NRXN3: variants seen among roughly 807,000 people sequenced by gnomAD.
NRXN3 encodes the protein neurexin III.
NRXN3 carries 32 observed loss-of-function variants against 137.6 expected under a neutral mutation model. The observed-to-expected ratio is 0.23, with a 90% confidence interval of 0.18 to 0.31. The LOEUF (loss-of-function observed/expected upper bound fraction) is 0.31, where lower values mean the gene tolerates loss of function less well. Ranked by LOEUF, NRXN3 falls within the 10% of genes least tolerant of loss-of-function variation. NRXN3 has a pLI of 1.00. For synonymous variants in NRXN3, 798 were observed against 784.5 expected (o/e 1.02, Z -0.29); for missense variants, 1,574 against 2,062.5 (o/e 0.76, Z 4.59).
At chr14:78,582,518 C>A (rs2097012380) in intron 4 of NRXN3, among the ~76,000 whole-genome samples, 1 of 152,108 alleles carries the variant, frequency 6.6e-6, no homozygotes. Flanking sequence ...GCCACAAGAG[C>A]TCCATTTTCA....
intron 15 of NRXN3, among the ~76,000 whole-genome samples, chr14:79,236,763 T>A (rs541927077): frequency 1.6e-4 from 25 of 151,666 alleles, no homozygotes; most frequent in African/African-American, 6.0e-4. Context: ...AAAATTTTTA[T>A]AATTAGCCAG....
chr14:78,897,997 T>C (rs757381555), intron 10 of NRXN3, among the ~76,000 whole-genome samples: 25 of 151,978 alleles, frequency 1.6e-4, no homozygotes, highest in Non-Finnish European at 3.1e-4. Context: ...TTAGAGAACG[T>C]ATTCTGCCTT....
chr14:79,504,655 G>GTGTATATATATATATATA (rs1555491976), intron 16 of NRXN3, among the ~76,000 whole-genome samples: 1 of 104,220 alleles, frequency 9.6e-6, no homozygotes, highest in African/African-American at 3.4e-5. Flanking sequence ...ATATATATAT[G>GTGTATATATATATATATA]TATATATATA....
chr14:79,296,567 T>G (rs970308931), intron 15 of NRXN3, among the ~76,000 whole-genome samples: 1 of 152,036 alleles, frequency 6.6e-6, no homozygotes, highest in Non-Finnish European at 1.5e-5. Context: ...TGGAGGACGT[T>G]GAGTAATAAC....
At position 79,861,681 on chromosome 14, in the gene NRXN3, G is replaced by C. The variant is rs1178319738; in HGVS notation, c.4433G>C (p.Gly1478Ala). 14 of 1,614,036 alleles carry C rather than the reference G, an allele frequency of 8.7e-6. No homozygotes were observed. The highest frequency in any genetic ancestry group is 1.2e-5 in the Non-Finnish European group (14 of 1,180,038). Reference sequence around the variant, plus strand: ...CCCACAGCAAACCCCACGGAGCCGGGAATCAGACGGGTTCCGGGGGCCTCA... The same window carrying C: ...CCCACAGCAAACCCCACGGAGCCGGCAATCAGACGGGTTCCGGGGGCCTCA... The part of the protein sequence containing the change: ...NVPTANPTEP[G>A]IRRVPGASEV... The change falls in exon 21 of 21, where the codon GGA becomes GCA. Residue 1478 changes from glycine (G) to alanine (A), a missense_variant. Gly to Ala is a moderately conservative substitution (Grantham distance 60, BLOSUM62 0). Coordinates refer to ENST00000335750, the MANE Select transcript of NRXN3 (RefSeq NM_001330195.2). This position sits in a 1 kb window ranked among gnomAD's most constrained non-coding sequence, Gnocchi z 5.4.
At chr14:78,868,572 C>T (rs2152558707) in intron 10 of NRXN3, among the ~76,000 whole-genome samples, 1 of 152,190 alleles carries the variant, frequency 6.6e-6, no homozygotes, top group East Asian at 1.9e-4. Context: ...GTAATCTCAG[C>T]ACTTTGGGAG....
chr14:78,221,941 C>T (rs763829370), intron 1 of NRXN3, among the ~76,000 whole-genome samples: 3 of 152,060 alleles, frequency 2.0e-5, no homozygotes, highest in South Asian at 2.1e-4. Context: ...AGGCAGGAGG[C>T]GACAGTGAGT....
intron 4 of NRXN3, among the ~76,000 whole-genome samples, chr14:78,357,485 G>T (rs1162295427): frequency 6.6e-6 from 1 of 152,138 alleles, no homozygotes; most frequent in African/African-American, 2.4e-5. Flanking sequence ...AAGACATGGA[G>T]GTCATGGTCC....
chr14:78,643,833 T>C (rs1327185596), intron 4 of NRXN3, among the ~76,000 whole-genome samples: 1 of 152,152 alleles, frequency 6.6e-6, no homozygotes, highest in Non-Finnish European at 1.5e-5. Context: ...GCAATATGTA[T>C]GGTTTGCCTT....
At chr14:78,329,049 T>G (rs949026309) in intron 4 of NRXN3, among the ~76,000 whole-genome samples, 3 of 152,198 alleles carry the variant, frequency 2.0e-5, no homozygotes, top group African/African-American at 7.2e-5. Flanking sequence ...ACAGGAAATA[T>G]CCTACTCAGA....
chr14:78,620,851 G>T (rs1347163087), intron 4 of NRXN3, among the ~76,000 whole-genome samples: 2 of 152,008 alleles, frequency 1.3e-5, no homozygotes, highest in South Asian at 2.1e-4. Context: ...TAAATAACTT[G>T]CCCAGTGTCA....
chr14:79,740,392 G>T (rs1406115736), intron 19 of NRXN3, among the ~76,000 whole-genome samples: 3 of 151,880 alleles, frequency 2.0e-5, no homozygotes, highest in East Asian at 2.0e-4. Flanking sequence ...CTCCTGGGGG[G>T]CCTGCAGGAG....
chr14:79,451,724 C>T (rs2096176039), intron 15 of NRXN3, among the ~76,000 whole-genome samples: 1 of 152,202 alleles, frequency 6.6e-6, no homozygotes. Flanking sequence ...AAAATGCCAG[C>T]CTTGGCCCTT....
chr14:79,331,518 T>G (rs970189520), intron 15 of NRXN3, among the ~76,000 whole-genome samples: 1 of 152,198 alleles, frequency 6.6e-6, no homozygotes, highest in Non-Finnish European at 1.5e-5. Flanking sequence ...CTTTCTATGG[T>G]CACTATTACT....
At chr14:78,555,041 G>A (rs934938243) in intron 4 of NRXN3, among the ~76,000 whole-genome samples, 1 of 152,048 alleles carries the variant, frequency 6.6e-6, no homozygotes, top group Admixed American at 6.5e-5. Context: ...ATCAGCTTGA[G>A]TTGTCTTAGG....
At chr14:79,596,531 A>G (rs892972649) in intron 16 of NRXN3, among the ~76,000 whole-genome samples, 3 of 152,196 alleles carry the variant, frequency 2.0e-5, no homozygotes, top group African/African-American at 7.2e-5. Flanking sequence ...AGACAGGTTA[A>G]TTTTGCAGAA....
chr14:78,911,990 T>A (rs573725376), intron 10 of NRXN3, among the ~76,000 whole-genome samples: 16 of 151,978 alleles, frequency 1.1e-4, no homozygotes, highest in East Asian at 5.9e-4. Context: ...TACATATGTA[T>A]ACATGTGCCA....
chr14:78,715,150 C>T lies in NRXN3; in HGVS notation c.2044+11C>T, dbSNP rs762316762. The stretch of plus-strand genomic sequence containing the variant: ...GAACCTGCGAAAGGGGTGAGTCGGC[C>T]TAGAGGATGGCAAGTGAGGGCCTGA... On this transcript the variant is annotated intron_variant, in intron 8 of 20. Coordinates refer to ENST00000335750, the MANE Select transcript of NRXN3 (RefSeq NM_001330195.2). The T allele has an allele frequency of 6.3e-7, 1 of 1,598,584 alleles. No homozygotes were observed. Among genetic ancestry groups the T allele is most frequent in the South Asian group, 1.1e-5 (1 of 90,834 alleles).
intron 15 of NRXN3, among the ~76,000 whole-genome samples, chr14:79,169,777 G>C (rs543194173): frequency 1.2e-4 from 18 of 152,200 alleles, no homozygotes; most frequent in Admixed American, 3.3e-4. Flanking sequence ...TCCATGGAAT[G>C]CTGAAGTCCC....
Sources: allele counts gnomAD v4.1 joint callset (sites outside exome capture counted in the v4.1 genomes callset), GRCh38; gene constraint gnomAD v4.1.1; non-coding constraint Gnocchi (gnomAD v3.1); transcripts MANE v1.5; gene names NCBI Gene and HGNC (gene_info 2026-07-23, HGNC 2026-07-21).